Variants in PGR observed in about 807,000 individuals in gnomAD.
The protein encoded by PGR is nuclear receptor subfamily 3 group C member 3.
A neutral mutation model predicts 76.1 loss-of-function variants in PGR; 25 were observed. The observed-to-expected ratio is 0.33, with a 90% CI of 0.24 to 0.46. The LOEUF (loss-of-function observed/expected upper bound fraction) is 0.46. Ranked by LOEUF, PGR falls within the 20% of genes least tolerant of loss-of-function variation. PGR has a pLI of 1.00. For missense variants in PGR, 1,172 were observed against 1,225.3 expected, an observed-to-expected ratio of 0.96 and a Z score of 0.65; for synonymous variants, 579 against 535.0, an observed-to-expected ratio of 1.08 and a Z score of -1.14.
intron 2 of PGR, among the ~76,000 whole-genome samples, chr11:101,100,535 G>T (rs543359815): frequency 6.6e-6 from 1 of 152,138 alleles, no homozygotes; most frequent in South Asian, 2.1e-4. Flanking sequence ...TTATGCAGGA[G>T]ATGGAAGAAC....
chr11:101,080,786 A>G (rs934021914), intron 3 of PGR, among the ~76,000 whole-genome samples: 1 of 152,134 alleles, frequency 6.6e-6, no homozygotes, highest in Non-Finnish European at 1.5e-5. Flanking sequence ...AAAAAAATCA[A>G]TAGTAGCTTC....
rs1402889839 is a variant in PGR, at chr11:101,038,946, AT to A, written c.*169del. 7.2e-6 allele frequency: 4 copies of A among 552,132 alleles called. No individual in the cohort carries two copies. Among genetic ancestry groups the A allele is most frequent in the Non-Finnish European group, 1.3e-5 (4 of 313,154 alleles). 34.2% of individuals were successfully genotyped at this position (552,132 alleles called of 1,614,324 possible). On this transcript the variant is annotated 3_prime_UTR_variant, in exon 8 of 8. Transcript: ENST00000325455. ...CAGTTAAACATTCTAATTATACTTT[AT>A]AAAAGAAAATAATTAGAACCTCACA...
Position 101,040,462 on chromosome 11 carries a change from G to T in PGR, c.2647-1191C>A, listed in dbSNP as rs759033355. 3.9e-5 allele frequency among the ~76,000 whole-genome samples: 6 copies of T among 152,036 alleles called. 1 individual carries two copies. The highest frequency in any genetic ancestry group is 3.9e-4 in the Admixed American group (6 of 15,220). ...GTTGTATCTGAGGTAAACTCTAGGA[G>T]ACCTTGCAAGTTGGAAAATACTTTC... On this transcript the variant is annotated intron_variant, in intron 7 of 7. Coordinates refer to ENST00000325455, the MANE Select transcript of PGR (RefSeq NM_000926.4).
rs781123527 is a variant in PGR at position 101,059,842 on chromosome 11, C to CAAAAAAAAAAAA, written c.2212+2593_2212+2604dup. Among the ~76,000 whole-genome samples, 9 of 62,738 alleles carry CAAAAAAAAAAAA rather than the reference C, an allele frequency of 1.4e-4. No homozygotes were observed. The East Asian group carries it at 1.6e-3, about 11-fold the overall frequency. The allele number at this position is 62,738 out of a possible 152,430, so 41.2% of individuals were successfully genotyped here. A position where few individuals can be genotyped will look rare whatever the true frequency, so the allele number is the denominator to read the frequency against. On this transcript the variant is annotated intron_variant, in intron 4 of 7. Coordinates refer to ENST00000325455, the MANE Select transcript of PGR (RefSeq NM_000926.4). Reference sequence around the variant, plus strand: ...TGGGCAATAGAGTGAGACCCTCTCTCAAAAAAAAAAAAAAAAAAAGAAAAA... The same window carrying CAAAAAAAAAAAA: ...TGGGCAATAGAGTGAGACCCTCTCTCAAAAAAAAAAAAAAAAAAAAAAAAAAAAAAAGAAAAA...
intron 6 of PGR, among the ~76,000 whole-genome samples, chr11:101,043,940 C>T (rs549183888): frequency 2.1e-4 from 32 of 152,296 alleles, no homozygotes; most frequent in African/African-American, 7.0e-4. Flanking sequence ...TTCTTAAAGG[C>T]CTTAGGATCT....
chr11:101,066,825 C>A (rs1317463038), intron 3 of PGR, among the ~76,000 whole-genome samples: 1 of 152,158 alleles, frequency 6.6e-6, no homozygotes, highest in Non-Finnish European at 1.5e-5. Flanking sequence ...TAACCCAAAT[C>A]CAAATACCTG....
In PGR at chr11:101,040,220, A is replaced by G. The variant is rs572590112; in HGVS notation, c.2647-949T>C. On this transcript the variant is annotated intron_variant, in intron 7 of 7. Coordinates refer to ENST00000325455, the MANE Select transcript of PGR (RefSeq NM_000926.4). ...ATTCTGCAACAGAATTGTAAAAATC[A>G]CCTCAATTACAGTCATACTTAGTGG... 4.6e-5 allele frequency among the ~76,000 whole-genome samples: 7 copies of G among 152,124 alleles called. 1 individual carries two copies. In the East Asian group the frequency reaches 9.7e-4, roughly 21 times the overall value.
intron 2 of PGR, among the ~76,000 whole-genome samples, chr11:101,093,491 G>A (rs1260254225): frequency 1.3e-5 from 2 of 151,964 alleles, no homozygotes; most frequent in African/African-American, 4.8e-5. Context: ...ACGGAGTTTC[G>A]CTCTTGTTGC....
rs376753507 is a variant in PGR at position 101,111,615 on chromosome 11, TG to T, written c.1789+14391del. On this transcript the variant is annotated intron_variant, in intron 2 of 7. Coordinates refer to ENST00000325455, the MANE Select transcript of PGR (RefSeq NM_000926.4). The stretch of plus-strand genomic sequence containing the variant: ...CTTAGATATTTTGACTTGGCTTACC[TG>T]GGGCGAGGTGCAGAAATCATCTCAA... Among the ~76,000 whole-genome samples the T allele has an allele frequency of 1.9e-4, 29 of 152,284 alleles. 1 individual carries two copies. The highest frequency in any genetic ancestry group is 6.3e-4 in the African/African-American group (26 of 41,564).
At chr11:101,103,690 T>C (rs570796602) in intron 2 of PGR, among the ~76,000 whole-genome samples, 33 of 152,238 alleles carry the variant, frequency 2.2e-4, no homozygotes, top group Non-Finnish European at 4.3e-4. Context: ...CCAATTTTTA[T>C]GTCTTAGTAG....
intron 4 of PGR, among the ~76,000 whole-genome samples, chr11:101,051,777 C>T (rs1860097361): frequency 6.6e-6 from 1 of 152,132 alleles, no homozygotes; most frequent in Admixed American, 6.6e-5. Context: ...AAATTAGTCA[C>T]TGTGATTTAG....
intron 5 of PGR, chr11:101,050,883 A>T (rs977543823): frequency 5.2e-6 from 1 of 191,858 alleles, no homozygotes; most frequent in Admixed American, 5.9e-5. Context: ...AACTGTAAAG[A>T]CTTATATAAG....
chr11:101,039,107 A>G lies in PGR; in HGVS notation c.*9T>C. On this transcript the variant is annotated 3_prime_UTR_variant, in exon 8 of 8. Transcript: ENST00000325455. ...CAAAATTTAATTCTTTAAAAGAAAA[A>G]GATGACATTCACTTTTTATGAAAGA... The G allele has an allele frequency of 1.2e-6, 2 of 1,607,538 alleles. No individual in the cohort carries two copies. The highest frequency in any genetic ancestry group is 1.7e-6 in the Non-Finnish European group (2 of 1,174,680).
chr11:101,085,662 AT>A (rs371672642), intron 3 of PGR, among the ~76,000 whole-genome samples: 3 of 151,846 alleles, frequency 2.0e-5, no homozygotes, highest in African/African-American at 2.4e-5. Flanking sequence ...ACCAAAAGTT[AT>A]TTTTTTAAAG....
chr11:101,108,419 G>A, intron 2 of PGR, among the ~76,000 whole-genome samples: 1 of 152,006 alleles, frequency 6.6e-6, no homozygotes, highest in East Asian at 1.9e-4. Context: ...TTCAGCCCAG[G>A]AGTTCAAGGC....
Position 101,062,446 on chromosome 11 carries a change from C to A in PGR, c.2212+1G>T. 1 of 1,607,074 alleles carries A rather than the reference C, an allele frequency of 6.2e-7. No individual in the cohort carries two copies. On this transcript the variant is annotated splice_donor_variant, in intron 4 of 7. Transcript: ENST00000325455. LOFTEE classifies it high-confidence loss of function. The stretch of plus-strand genomic sequence containing the variant: ...ATGCTGTATATAAAAATTATTATTA[C>A]CTGGCAATGATTTAGACCACTTGAC...
intron 2 of PGR, among the ~76,000 whole-genome samples, chr11:101,108,727 T>C (rs1424416118): frequency 6.6e-6 from 1 of 152,170 alleles, no homozygotes; most frequent in Non-Finnish European, 1.5e-5. Context: ...TTAATTCTTA[T>C]ATCTGAAAAA....
At chr11:101,042,645 A>C (rs1859730043) in intron 6 of PGR, among the ~76,000 whole-genome samples, 1 of 152,124 alleles carries the variant, frequency 6.6e-6, no homozygotes, top group African/African-American at 2.4e-5. Flanking sequence ...TATGGGAGAA[A>C]GGTATTAATA....
chr11:101,059,862 GAAAAA>G (rs762422702), intron 4 of PGR, among the ~76,000 whole-genome samples: 1 of 116,296 alleles, frequency 8.6e-6, no homozygotes, highest in African/African-American at 3.1e-5. Context: ...AAAAAAAAAA[GAAAAA>G]AAAGAAAAGA....
Sources: gnomAD v4.1 joint callset for allele counts (sites outside exome capture counted in the v4.1 genomes callset) on GRCh38, gnomAD v4.1.1 for gene constraint, MANE v1.5 for transcripts, NCBI Gene and HGNC (gene_info 2026-07-23, HGNC 2026-07-21) for gene names.